KIF9: variants seen among roughly 807,000 people sequenced by gnomAD.
KIF9 encodes kinesin-like protein KIF9.
A neutral mutation model predicts 94.8 loss-of-function variants in KIF9; 68 were observed. The observed-to-expected ratio is 0.72, with a 90% CI of 0.59 to 0.88. KIF9 has a LOEUF of 0.88. Among genes scored for constraint, KIF9 ranks in the 40% least tolerant of loss-of-function variants. The probability of loss-of-function intolerance (pLI) is 0.00; values close to 1 mark genes in which losing one functional copy is unlikely to be tolerated. For synonymous variants in KIF9, 343 were observed against 362.1 expected, an observed-to-expected ratio of 0.95 and a Z score of 0.60; for missense variants, 882 against 982.5, an observed-to-expected ratio of 0.90 and a Z score of 1.37.
rs776974282 is a variant in KIF9 at position 47,250,048 on chromosome 3, C to CA, written c.1060-1963dup. Among the ~76,000 whole-genome samples the CA allele has an allele frequency of 2.9e-3, 403 of 136,926 alleles. 1 individual carries two copies. Among genetic ancestry groups the CA allele is most frequent in the South Asian group, 0.017 (76 of 4,376 alleles). The allele number at this position is 136,926 out of a possible 152,430, so 89.8% of individuals were successfully genotyped here. A position where few individuals can be genotyped will look rare whatever the true frequency, so the allele number is the denominator to read the frequency against. On this transcript the variant is annotated intron_variant, in intron 10 of 20. Coordinates refer to ENST00000684063, the MANE Select transcript of KIF9 (RefSeq NM_182902.4). The stretch of plus-strand genomic sequence containing the variant: ...TGAGCAATAGAGCGAGTCACTGTCT[C>CA]AAAAAAAAAAAAAATTGTAATACCT...
chr3:47,261,313 G>T, intron 9 of KIF9, among the ~76,000 whole-genome samples: 1 of 152,190 alleles, frequency 6.6e-6, no homozygotes. Flanking sequence ...GGGACACTAA[G>T]AGTGATGCCT....
In KIF9 at chr3:47,243,080, G is replaced by A; in HGVS notation, c.1680C>T (p.Asp560=). ...ETSSIEPLPS[D]SPKEELRPIR... is the part of the protein sequence containing the mutation. The stretch of plus-strand genomic sequence containing the variant: ...TTGGGCGTAATTCCTCCTTCGGGGA[G>A]TCTGAGGGAAGGGGCTCAATGCTGG... Residue 560 remains aspartate, a synonymous_variant, in exon 16 of 21, where the codon GAC becomes GAT. Transcript: ENST00000684063. 3.7e-6 allele frequency: 6 copies of A among 1,612,546 alleles called. No homozygotes were observed. Among genetic ancestry groups the A allele is most frequent in the Non-Finnish European group, 5.1e-6 (6 of 1,178,640 alleles).
intron 5 of KIF9, among the ~76,000 whole-genome samples, chr3:47,268,302 C>G (rs1179411693): frequency 2.0e-5 from 3 of 152,020 alleles, no homozygotes; most frequent in Admixed American, 1.3e-4. Flanking sequence ...AATGGCTGTT[C>G]TTGGAGAAAA....
Position 47,247,381 on chromosome 3 carries a change from C to T in KIF9, c.1225G>A (p.Glu409Lys), listed in dbSNP as rs780814807. 6.8e-6 allele frequency: 11 copies of T among 1,611,326 alleles called. No individual in the cohort carries two copies. Among genetic ancestry groups the T allele is most frequent in the East Asian group, 4.5e-5 (2 of 44,852 alleles). ...VRRYLEGTLD[E>K]IDIISLRQIK... The stretch of plus-strand genomic sequence containing the variant: ...ACAGAGGGGTTCCTTACGTCGATCT[C>T]GTCCAGTGTCCCCTCCAGGTACCTC... Residue 409 changes from glutamate to lysine, a missense_variant, in exon 12 of 21, where the codon GAG becomes AAG. Glu to Lys is a moderately conservative substitution (Grantham distance 56). Transcript: ENST00000684063.
chr3:47,229,349 G>T (rs1025726869), intron 20 of KIF9, among the ~76,000 whole-genome samples: 5 of 152,160 alleles, frequency 3.3e-5, no homozygotes. Flanking sequence ...CCTTTTCAGG[G>T]GGAAAATAAT....
chr3:47,282,658 C>A lies in KIF9; in HGVS notation c.-169G>T. ...GGCGGAAATGAAGTCCGAGGTCCTA[C>A]GTCGAGGATACGGGTGAGGTCATGG... is the stretch of plus-strand genomic sequence containing the variant. On this transcript the variant is annotated 5_prime_UTR_variant, in exon 1 of 21. Coordinates refer to ENST00000684063, the MANE Select transcript of KIF9 (RefSeq NM_182902.4). The A allele has an allele frequency of 8.1e-7, 1 of 1,234,160 alleles. No individual in the cohort carries two copies. Among genetic ancestry groups the A allele is most frequent in the Non-Finnish European group, 1.0e-6 (1 of 976,120 alleles). The allele number at this position is 1,234,160 out of a possible 1,614,324, so 76.5% of individuals were successfully genotyped here.
chr3:47,270,975 CAAAAAAAAAA>C (rs35244035), intron 5 of KIF9, among the ~76,000 whole-genome samples: 1 of 90,972 alleles, frequency 1.1e-5, no homozygotes, highest in Non-Finnish European at 2.0e-5. Flanking sequence ...CTTGTCTCTA[CAAAAAAAAAA>C]AAAAAAAAAT....
At chr3:47,247,922 C>A in intron 11 of KIF9, 96 bp downstream of exon 11, 1 of 949,672 alleles carries the variant, frequency 1.1e-6, no homozygotes, top group Non-Finnish European at 1.7e-6. Context: ...CCACCATTGG[C>A]CTTGACCCAT....
At chr3:47,250,236 C>T (rs1700184786) in intron 10 of KIF9, among the ~76,000 whole-genome samples, 1 of 152,068 alleles carries the variant, frequency 6.6e-6, no homozygotes, top group Admixed American at 6.6e-5. Flanking sequence ...ACAAATACAG[C>T]TACTGAACAC....
At chr3:47,265,619 C>G in intron 8 of KIF9, 111 bp downstream of exon 8, 1 of 1,140,218 alleles carries the variant, frequency 8.8e-7, no homozygotes. Flanking sequence ...GCAGGTGAAT[C>G]CATGCCACCA....
In KIF9 at chr3:47,231,454, A is replaced by G. The variant is rs569683024; in HGVS notation, c.2323-2752T>C. ...TTTAGACAGTTTCTCTTCGTTGCCC[A>G]GGCTGGAGTGCAGTGGTGCAAGCTT... is the stretch of plus-strand genomic sequence containing the variant. On this transcript the variant is annotated intron_variant, in intron 20 of 20. Coordinates refer to ENST00000684063, the MANE Select transcript of KIF9 (RefSeq NM_182902.4). Among the ~76,000 whole-genome samples the G allele has an allele frequency of 1.5e-3, 175 of 116,952 alleles. No homozygotes were observed. The Middle Eastern group carries it at 0.02, about 13-fold the overall frequency. 76.7% of individuals were successfully genotyped at this position (116,952 alleles called of 152,430 possible).
chr3:47,261,645 C>T (rs1424780301), intron 9 of KIF9, among the ~76,000 whole-genome samples: 7 of 152,212 alleles, frequency 4.6e-5, no homozygotes, highest in Non-Finnish European at 5.9e-5. Flanking sequence ...GCAGTCTACT[C>T]TGGTGGCTCA....
intron 1 of KIF9, among the ~76,000 whole-genome samples, chr3:47,278,286 G>A (rs1320313339): frequency 6.6e-6 from 1 of 151,970 alleles, no homozygotes; most frequent in Non-Finnish European, 1.5e-5. Context: ...ATGTTGCCTA[G>A]GCTGGTCTTG....
Position 47,247,543 on chromosome 3 carries a change from G to T in KIF9, c.1129-66C>A, listed in dbSNP as rs1700006602. The T allele has an allele frequency of 2.3e-6, 3 of 1,294,100 alleles. No individual in the cohort carries two copies. In the African/African-American group the frequency reaches 4.4e-5, roughly 19 times the overall value. 80.2% of individuals were successfully genotyped at this position (1,294,100 alleles called of 1,614,324 possible). On this transcript the variant is annotated intron_variant, in intron 11 of 20. Transcript: ENST00000684063. ...CCTGAGCCCACAGGGGAGTGGCAGG[G>T]GCCATTCTGAGAGGCAAAGTGGGGA...
intron 9 of KIF9, among the ~76,000 whole-genome samples, chr3:47,258,150 C>T (rs1700739754): frequency 6.6e-6 from 1 of 152,120 alleles, no homozygotes; most frequent in Admixed American, 6.5e-5. Flanking sequence ...GTAAGAAAAG[C>T]TAAAAAGAAG....
At chr3:47,264,055 T>G in intron 9 of KIF9, 2 of 562,550 alleles carry the variant, frequency 3.6e-6, no homozygotes, top group Non-Finnish European at 6.7e-6. Flanking sequence ...CAGTCTCCCA[T>G]GCTGAGCCTG....
At position 47,235,533 on chromosome 3, in the gene KIF9, T is replaced by C; in HGVS notation, c.2302A>G (p.Lys768Glu). 1 of 1,613,762 alleles carries C rather than the reference T, an allele frequency of 6.2e-7. No individual in the cohort carries two copies. The highest frequency in any genetic ancestry group is 1.1e-5 in the South Asian group (1 of 91,082). Reference protein sequence around the residue: ...GPDSISFYNAKVKIEQKHNYL... With the variant: ...GPDSISFYNAEVKIEQKHNYL... ...GTTACCTTCTGCTCTATCTTGACTT[T>C]GGCATTGTAGAAGGAGATGGAATCA... The change falls in exon 20 of 21, where the codon AAA becomes GAA. Residue 768 changes from lysine (K) to glutamate (E), a missense_variant. Physicochemically the swap from Lys to Glu is moderately conservative, Grantham distance 56. Coordinates refer to ENST00000684063, the MANE Select transcript of KIF9 (RefSeq NM_182902.4).
At chr3:47,255,381 CCTCT>C (rs1349355344) in intron 10 of KIF9, among the ~76,000 whole-genome samples, 2 of 152,116 alleles carry the variant, frequency 1.3e-5, no homozygotes, top group Non-Finnish European at 2.9e-5. Context: ...CTGAGCACTC[CCTCT>C]GATTGGCCAG....
intron 20 of KIF9, among the ~76,000 whole-genome samples, chr3:47,234,239 T>C (rs1698841694): frequency 6.6e-6 from 1 of 151,916 alleles, no homozygotes; most frequent in South Asian, 2.1e-4. Flanking sequence ...ACTTTCTTTT[T>C]TTTTTTTTTG....
Sources: gnomAD v4.1 joint callset for allele counts (sites outside exome capture counted in the v4.1 genomes callset) on GRCh38, gnomAD v4.1.1 for gene constraint, MANE v1.5 for transcripts, NCBI Gene and HGNC (gene_info 2026-07-23, HGNC 2026-07-21) for gene names.